Variants in PRP4K observed in about 807,000 individuals in gnomAD.
PRP4K encodes the protein pre-mRNA processing factor kinase PRP4K, also known as serine/threonine-protein kinase PRP4 homolog.
At chr6:4,057,201 A>T in the PRP4K span, 3 of 1,605,226 alleles carry the variant, frequency 1.9e-6, no homozygotes, top group Non-Finnish European at 2.6e-6. Flanking sequence ...AGACATTAGC[A>T]TGAGCTTCTT....
the PRP4K span, chr6:4,047,277 C>CAA: frequency 1.4e-4 from 207 of 1,492,100 alleles, no homozygotes; most frequent in Admixed American, 2.4e-4. Flanking sequence ...AGTGTTAAAA[C>CAA]AAAAAAAAAT....
the PRP4K span, chr6:4,047,076 C>A: frequency 3.0e-6 from 3 of 988,702 alleles, no homozygotes; most frequent in Non-Finnish European, 4.8e-6. Flanking sequence ...TGCAAGAGGG[C>A]AAAAAAGTTT....
At chr6:4,040,780 G>A in the PRP4K span, 1 of 1,613,690 alleles carries the variant, frequency 6.2e-7, no homozygotes, top group South Asian at 1.1e-5. Context: ...AGGGACAGAG[G>A]TCGGAGGAGC....
At chr6:4,031,540 G>A in the PRP4K span, 1 of 1,435,104 alleles carries the variant, frequency 7.0e-7, no homozygotes, top group Non-Finnish European at 9.4e-7. Flanking sequence ...ATTTTAAAAT[G>A]TGTTTGATAT....
chr6:4,022,837 A>G, the PRP4K span, among the ~76,000 whole-genome samples: 1 of 152,096 alleles, frequency 6.6e-6, no homozygotes, highest in Non-Finnish European at 1.5e-5. Flanking sequence ...ATCTCATGCT[A>G]TGTGGTTACA....
the PRP4K span, among the ~76,000 whole-genome samples, chr6:4,051,196 C>A: frequency 6.6e-6 from 1 of 151,168 alleles, no homozygotes; most frequent in African/African-American, 2.4e-5. Flanking sequence ...AGGCATGAGC[C>A]ACTGCACCTG....
At chr6:4,049,979 T>A in the PRP4K span, 1 of 1,321,528 alleles carries the variant, frequency 7.6e-7, no homozygotes, top group Non-Finnish European at 1.0e-6. Context: ...ATAGAATGTG[T>A]AAAACAAGTA....
the PRP4K span, among the ~76,000 whole-genome samples, chr6:4,048,153 T>G: frequency 6.6e-6 from 1 of 151,562 alleles, no homozygotes; most frequent in Non-Finnish European, 1.5e-5. Context: ...CCGAGACGGG[T>G]GGATCACGAG....
At chr6:4,054,241 T>G in the PRP4K span, among the ~76,000 whole-genome samples, 2 of 152,196 alleles carry the variant, frequency 1.3e-5, no homozygotes, top group South Asian at 2.1e-4. Context: ...CATTAAAGTT[T>G]AAGGAGTTTT....
chr6:4,045,501 C>G, the PRP4K span, among the ~76,000 whole-genome samples: 1 of 152,070 alleles, frequency 6.6e-6, no homozygotes, highest in African/African-American at 2.4e-5. Context: ...AATTTCTGGG[C>G]CTTTGCACTG....
the PRP4K span, chr6:4,037,693 G>T: frequency 1.1e-6 from 1 of 902,264 alleles, no homozygotes. Flanking sequence ...TGTTCCCATA[G>T]TTTCCTTTTA....
At chr6:4,021,300 A>C in the PRP4K span, 2 of 1,319,672 alleles carry the variant, frequency 1.5e-6, no homozygotes, top group Non-Finnish European at 2.1e-6. Flanking sequence ...GCGCGGACTC[A>C]GAACCCAGCT....
chr6:4,051,674 A>T, the PRP4K span, among the ~76,000 whole-genome samples: 8 of 152,334 alleles, frequency 5.3e-5, no homozygotes, highest in East Asian at 1.4e-3. Context: ...AAAATTTTTT[A>T]AAAATCAAAA....
At chr6:4,042,709 A>G in the PRP4K span, 3 of 604,866 alleles carry the variant, frequency 5.0e-6, no homozygotes, top group East Asian at 6.7e-5. Flanking sequence ...GTTTGAAAAA[A>G]TGATCTTTTT....
At chr6:4,024,891 A>G in the PRP4K span, among the ~76,000 whole-genome samples, 60 of 152,318 alleles carry the variant, frequency 3.9e-4, 1 homozygote, top group African/African-American at 1.2e-3. Context: ...GTCATAAGCC[A>G]CTGCACCTGA....
chr6:4,033,338 A>T, the PRP4K span, among the ~76,000 whole-genome samples: 1 of 152,300 alleles, frequency 6.6e-6, no homozygotes, highest in East Asian at 1.9e-4. Flanking sequence ...TAAGAAGAAT[A>T]GTATATGAAA....
chr6:4,057,976 G>A, the PRP4K span, among the ~76,000 whole-genome samples: 6 of 151,952 alleles, frequency 3.9e-5, no homozygotes, highest in Admixed American at 6.6e-5. Context: ...CACATTTTTC[G>A]TAAAGGTCAG....
the PRP4K span, among the ~76,000 whole-genome samples, chr6:4,054,729 C>T: frequency 6.6e-6 from 1 of 152,220 alleles, no homozygotes; most frequent in East Asian, 1.9e-4. Context: ...TGGTCTTAAT[C>T]TCCTAACCTC....
the PRP4K span, among the ~76,000 whole-genome samples, chr6:4,043,121 C>T: frequency 6.6e-6 from 1 of 152,124 alleles, no homozygotes; most frequent in African/African-American, 2.4e-5. Context: ...GTCAGCTCTT[C>T]CTTCGAAGAC....
Sources: gnomAD v4.1 joint callset for allele counts (sites outside exome capture counted in the v4.1 genomes callset) on GRCh38, gnomAD v4.1.1 for gene constraint, MANE v1.5 for transcripts, NCBI Gene and HGNC (gene_info 2026-07-23, HGNC 2026-07-21) for gene names.